TFCP2: variants seen among roughly 807,000 people sequenced by gnomAD.
TFCP2 encodes alpha-globin transcription factor CP2.
In TFCP2, 33 loss-of-function variants were observed where a neutral mutation model predicts 73.4. The observed-to-expected ratio is 0.45, with a 90% confidence interval of 0.34 to 0.60. TFCP2 has a LOEUF of 0.60. Ranked by LOEUF, TFCP2 falls within the 20% of genes least tolerant of loss-of-function variation. TFCP2 has a pLI of 0.01. For missense variants in TFCP2, 352 were observed against 604.0 expected (o/e 0.58, Z 4.37); for synonymous variants, 193 against 211.6 (o/e 0.91, Z 0.76).
chr12:51,113,384 T>G lies in TFCP2; in HGVS notation c.458-2401A>C, dbSNP rs766553651. On this transcript the variant is annotated intron_variant, in intron 4 of 14. Coordinates refer to ENST00000257915, the MANE Select transcript of TFCP2 (RefSeq NM_005653.5). Reference sequence around the variant, plus strand: ...GTGAAGATCTTTCCTTTATACCCTATGACTTAGGAAAAACAAATTCTACTC... The same window carrying G: ...GTGAAGATCTTTCCTTTATACCCTAGGACTTAGGAAAAACAAATTCTACTC... Among the ~76,000 whole-genome samples, 31 of 152,178 alleles carry G rather than the reference T, an allele frequency of 2.0e-4. 1 individual carries two copies. Among genetic ancestry groups the G allele is most frequent in the Non-Finnish European group, 4.4e-4 (30 of 68,040 alleles).
At chr12:51,100,733 G>A in intron 11 of TFCP2, among the ~76,000 whole-genome samples, 1 of 152,130 alleles carries the variant, frequency 6.6e-6, no homozygotes. Context: ...AGGATGGCTT[G>A]AGCCCAGGAA....
intron 1 of TFCP2, chr12:51,124,981 G>C (rs762849962): frequency 3.1e-5 from 23 of 735,770 alleles, no homozygotes; most frequent in Non-Finnish European, 5.5e-5. Context: ...CTGGAGACCA[G>C]CTCTCTCTGA....
chr12:51,130,912 C>T (rs1335940561), intron 1 of TFCP2, among the ~76,000 whole-genome samples: 2 of 151,388 alleles, frequency 1.3e-5, no homozygotes, highest in African/African-American at 2.4e-5. Flanking sequence ...ATTTGAACCC[C>T]GGGAGGCAGG....
At chr12:51,171,130 A>G (rs912568554) in intron 1 of TFCP2, among the ~76,000 whole-genome samples, 1 of 152,154 alleles carries the variant, frequency 6.6e-6, no homozygotes, top group African/African-American at 2.4e-5. Flanking sequence ...TCTTTCCCCT[A>G]TGAACTCATA....
intron 1 of TFCP2, among the ~76,000 whole-genome samples, chr12:51,146,427 A>G (rs1439325487): frequency 6.6e-6 from 1 of 151,634 alleles, no homozygotes; most frequent in African/African-American, 2.4e-5. Flanking sequence ...AGGAGAAAAC[A>G]TCAGTGGCCC....
At chr12:51,098,985 C>T in intron 12 of TFCP2, 67 bp from the exon 13 acceptor site, 1 of 1,532,844 alleles carries the variant, frequency 6.5e-7, no homozygotes, top group Non-Finnish European at 8.9e-7. Context: ...AACTTGATCA[C>T]TAGGAATGCC....
chr12:51,098,996 C>A, intron 12 of TFCP2, 78 bp from the exon 13 acceptor site: 1 of 1,485,194 alleles, frequency 6.7e-7, no homozygotes, highest in East Asian at 2.3e-5. Flanking sequence ...TAGGAATGCC[C>A]ACTTTTCTGA....
chr12:51,143,679 A>G (rs1014765999), intron 1 of TFCP2, among the ~76,000 whole-genome samples: 16 of 152,120 alleles, frequency 1.1e-4, no homozygotes, highest in Admixed American at 9.2e-4. Context: ...AGAAGCATGG[A>G]GGTGTTAAGC....
chr12:51,168,299 G>C (rs1046698730), intron 1 of TFCP2, among the ~76,000 whole-genome samples: 1 of 151,972 alleles, frequency 6.6e-6, no homozygotes, highest in East Asian at 1.9e-4. Flanking sequence ...TCCAGCCTAG[G>C]GGACAGCTAC....
Position 51,169,358 on chromosome 12 carries a change from G to A in TFCP2, c.122+2943C>T, listed in dbSNP as rs769498400. ...TCTACTAAAATTACAAAAATTAGCC[G>A]GGCATGATGGCGTGCGCCTGTAGTG... On this transcript the variant is annotated intron_variant, in intron 1 of 14. Coordinates refer to ENST00000257915, the MANE Select transcript of TFCP2 (RefSeq NM_005653.5). 6.6e-5 allele frequency among the ~76,000 whole-genome samples: 10 copies of A among 151,868 alleles called. No homozygotes were observed. The East Asian group carries it at 1.6e-3, about 24-fold the overall frequency.
chr12:51,155,207 G>A (rs557282053), intron 1 of TFCP2, among the ~76,000 whole-genome samples: 36 of 152,236 alleles, frequency 2.4e-4, no homozygotes, highest in African/African-American at 7.0e-4. Context: ...CTTCAGCCTC[G>A]GTCTGAGAGT....
chr12:51,161,718 G>A (rs7309374), intron 1 of TFCP2, among the ~76,000 whole-genome samples: 109,231 of 130,126 alleles, frequency 0.84, 46,097 homozygotes, highest in Non-Finnish European at 0.89. Context: ...TTTTTTCTTC[G>A]CACCACTGCA....
intron 1 of TFCP2, among the ~76,000 whole-genome samples, chr12:51,135,998 C>CA (rs1482197082): frequency 2.0e-5 from 3 of 151,970 alleles, no homozygotes; most frequent in African/African-American, 4.8e-5. Context: ...AGGAATATAG[C>CA]AATAAACAAG....
intron 1 of TFCP2, among the ~76,000 whole-genome samples, chr12:51,129,229 A>G (rs535134284): frequency 6.6e-6 from 1 of 152,070 alleles, no homozygotes; most frequent in East Asian, 1.9e-4. Context: ...AAATCTAAGG[A>G]GAGGCCAGGC....
At chr12:51,155,767 C>T (rs370803313) in intron 1 of TFCP2, among the ~76,000 whole-genome samples, 5 of 152,136 alleles carry the variant, frequency 3.3e-5, no homozygotes, top group Non-Finnish European at 5.9e-5. Context: ...ATAGGCCAGG[C>T]GCAGTGGCTC....
At chr12:51,100,391 A>G (rs1940081356) in intron 11 of TFCP2, among the ~76,000 whole-genome samples, 1 of 152,112 alleles carries the variant, frequency 6.6e-6, no homozygotes, top group Admixed American at 6.5e-5. Context: ...ACTCCTTCCA[A>G]TTTCTAAACA....
intron 3 of TFCP2, among the ~76,000 whole-genome samples, chr12:51,117,439 G>A (rs1171879704): frequency 6.6e-6 from 1 of 152,140 alleles, no homozygotes; most frequent in Admixed American, 6.6e-5. Flanking sequence ...CCTGGACAGG[G>A]AGTGGTAAGC....
At chr12:51,096,466 G>T (rs1040171852) in intron 13 of TFCP2, among the ~76,000 whole-genome samples, 1 of 152,058 alleles carries the variant, frequency 6.6e-6, no homozygotes, top group African/African-American at 2.4e-5. Context: ...CAAGATAAAG[G>T]CATGAGTTTC....
At chr12:51,102,863 GTTTTA>G (rs1400520833) in intron 10 of TFCP2, among the ~76,000 whole-genome samples, 2 of 149,980 alleles carry the variant, frequency 1.3e-5, no homozygotes, top group Non-Finnish European at 3.0e-5. Flanking sequence ...TTTTTTCAGA[GTTTTA>G]TTTTGATTCG....
Sources: allele counts gnomAD v4.1 joint callset (sites outside exome capture counted in the v4.1 genomes callset), GRCh38; gene constraint gnomAD v4.1.1; transcripts MANE v1.5; gene names NCBI Gene and HGNC (gene_info 2026-07-23, HGNC 2026-07-21).